The following RBM46 variants were observed in gnomAD, a reference collection of about 807,000 sequenced individuals.
RBM46 encodes RNA binding motif protein 46.
A neutral mutation model predicts 43.3 loss-of-function variants in RBM46; 12 were observed. That is an observed-to-expected ratio of 0.28 (90% CI 0.18 to 0.45). RBM46 has a LOEUF of 0.45. RBM46 is among the 20% of genes least tolerant of loss of function. The probability of loss-of-function intolerance (pLI) is 1.00; values close to 1 mark genes in which losing one functional copy is unlikely to be tolerated. For missense variants in RBM46, 412 were observed against 639.1 expected, an observed-to-expected ratio of 0.64 and a Z score of 3.83; for synonymous variants, 205 against 207.6, an observed-to-expected ratio of 0.99 and a Z score of 0.11.
At chr4:154,821,047 G>C (rs1355294552) in intron 4 of RBM46, among the ~76,000 whole-genome samples, 1 of 151,636 alleles carries the variant, frequency 6.6e-6, no homozygotes, top group African/African-American at 2.4e-5. Context: ...TGACAAAGGG[G>C]ATAATAATAG....
chr4:154,803,576 G>A (rs373857751), intron 4 of RBM46, among the ~76,000 whole-genome samples: 4 of 151,452 alleles, frequency 2.6e-5, no homozygotes, highest in Non-Finnish European at 5.9e-5. Context: ...GGTGGCAGGC[G>A]CCTGTAGTCC....
At chr4:154,784,639 T>C (rs1290262375) in intron 1 of RBM46, among the ~76,000 whole-genome samples, 1 of 152,226 alleles carries the variant, frequency 6.6e-6, no homozygotes, top group Non-Finnish European at 1.5e-5. Flanking sequence ...GAGTTAAATA[T>C]GGCACAACTT....
chr4:154,797,037 G>A, intron 2 of RBM46, 134 bp downstream of exon 2: 1 of 613,370 alleles, frequency 1.6e-6, no homozygotes, highest in Non-Finnish European at 2.7e-6. Flanking sequence ...TTTTACTGTT[G>A]AGGAGAGTTA....
intron 4 of RBM46, among the ~76,000 whole-genome samples, chr4:154,800,999 G>A: frequency 8.6e-6 from 1 of 115,736 alleles, no homozygotes; most frequent in Non-Finnish European, 1.7e-5. Context: ...TTTTTTTTTT[G>A]AGATGGAGTC....
At chr4:154,815,279 A>G (rs1203322263) in intron 4 of RBM46, among the ~76,000 whole-genome samples, 1 of 152,066 alleles carries the variant, frequency 6.6e-6, no homozygotes. Context: ...ATGACACTCT[A>G]AAGATTCTTG....
intron 4 of RBM46, among the ~76,000 whole-genome samples, chr4:154,808,696 A>G (rs1290863367): frequency 6.6e-6 from 1 of 152,058 alleles, no homozygotes; most frequent in African/African-American, 2.4e-5. Context: ...AGCCATTATC[A>G]ATCTTTGGAA....
chr4:154,822,698 T>A lies in RBM46; in HGVS notation c.1403-5170T>A, dbSNP rs931089127. Reference sequence around the variant, plus strand: ...TAAAATGGTACAATGAGGATTTTTTTTAAAAAAATTTCAATACAGATCTCA... The same window carrying A: ...TAAAATGGTACAATGAGGATTTTTTATAAAAAAATTTCAATACAGATCTCA... On this transcript the variant is annotated intron_variant, in intron 4 of 4. Coordinates refer to ENST00000281722, the MANE Select transcript of RBM46 (RefSeq NM_144979.5). Among the ~76,000 whole-genome samples the A allele has an allele frequency of 3.3e-5, 5 of 151,678 alleles. 1 individual carries two copies. Among genetic ancestry groups the A allele is most frequent in the South Asian group, 4.1e-4 (2 of 4,820 alleles).
At chr4:154,816,093 C>A (rs1735429786) in intron 4 of RBM46, among the ~76,000 whole-genome samples, 1 of 152,096 alleles carries the variant, frequency 6.6e-6, no homozygotes, top group South Asian at 2.1e-4. Context: ...TATTAACATT[C>A]TATTCCATTG....
chr4:154,803,469 G>C (rs1259930186), intron 4 of RBM46, among the ~76,000 whole-genome samples: 1 of 152,170 alleles, frequency 6.6e-6, no homozygotes, highest in East Asian at 1.9e-4. Context: ...GGGAGGCTAA[G>C]GCGGGCGGAT....
At chr4:154,797,165 G>C (rs1392409174) in intron 2 of RBM46, among the ~76,000 whole-genome samples, 1 of 152,074 alleles carries the variant, frequency 6.6e-6, no homozygotes, top group Non-Finnish European at 1.5e-5. Context: ...TAGGAAAGTA[G>C]GAAAAAGGGT....
intron 3 of RBM46, 108 bp from the exon 4 acceptor site, chr4:154,798,674 T>C (rs1402221905): frequency 5.9e-6 from 5 of 840,986 alleles, no homozygotes; most frequent in Non-Finnish European, 8.4e-6. Context: ...ACCAAATTTA[T>C]TGATGTGTAG....
intron 1 of RBM46, among the ~76,000 whole-genome samples, chr4:154,786,149 C>T (rs1055126358): frequency 2.0e-5 from 3 of 152,196 alleles, no homozygotes; most frequent in African/African-American, 7.2e-5. Flanking sequence ...TGCAGTGGCA[C>T]GATCTCAGCT....
chr4:154,792,815 A>G (rs1734165570), intron 1 of RBM46, among the ~76,000 whole-genome samples: 1 of 152,230 alleles, frequency 6.6e-6, no homozygotes, highest in Non-Finnish European at 1.5e-5. Context: ...TGTTGTTGGC[A>G]TATCATAAGA....
intron 2 of RBM46, 52 bp from the exon 3 acceptor site, chr4:154,797,759 G>A: frequency 8.3e-7 from 1 of 1,202,274 alleles, no homozygotes; most frequent in Non-Finnish European, 1.2e-6. Context: ...ATTGAATAGT[G>A]AGTACAAATA....
chr4:154,792,514 G>A (rs188890430), intron 1 of RBM46, among the ~76,000 whole-genome samples: 199 of 152,250 alleles, frequency 1.3e-3, no homozygotes, highest in Non-Finnish European at 6.5e-4. Flanking sequence ...CAAGGGGTCT[G>A]CATGGTGCTT....
intron 4 of RBM46, chr4:154,820,273 A>T (rs1357110338): frequency 1.4e-5 from 11 of 767,302 alleles, no homozygotes; most frequent in East Asian, 6.1e-5. Context: ...AAAGGTTTTT[A>T]ACTAAAGTTA....
chr4:154,806,531 T>A (rs947979759), intron 4 of RBM46, among the ~76,000 whole-genome samples: 1 of 151,804 alleles, frequency 6.6e-6, no homozygotes, highest in Non-Finnish European at 1.5e-5. Context: ...GAGATACATA[T>A]TTGAGTACAA....
intron 3 of RBM46, among the ~76,000 whole-genome samples, chr4:154,798,501 G>T (rs902932696): frequency 1.3e-5 from 2 of 152,104 alleles, no homozygotes; most frequent in African/African-American, 4.8e-5. Flanking sequence ...TACACTTTGA[G>T]CTGTTAATTG....
intron 1 of RBM46, among the ~76,000 whole-genome samples, chr4:154,783,644 C>A (rs903705021): frequency 6.6e-6 from 1 of 152,100 alleles, no homozygotes; most frequent in Non-Finnish European, 1.5e-5. Flanking sequence ...TATCTTTATC[C>A]TGAATTCAAA....
Sources: allele counts gnomAD v4.1 joint callset (sites outside exome capture counted in the v4.1 genomes callset), GRCh38; gene constraint gnomAD v4.1.1; transcripts MANE v1.5; gene names NCBI Gene and HGNC (gene_info 2026-07-23, HGNC 2026-07-21).